Variants in ZBTB20 observed in about 807,000 individuals in gnomAD.
The protein encoded by ZBTB20 is zinc finger and BTB domain-containing protein 20.
ZBTB20 carries 9 observed loss-of-function variants against 56.9 expected under a neutral mutation model. That is an observed-to-expected ratio of 0.16 (90% CI 0.10 to 0.28). The LOEUF is 0.28. Ranked by LOEUF, ZBTB20 falls within the 10% of genes least tolerant of loss-of-function variation. ZBTB20 has a pLI of 1.00. For synonymous variants in ZBTB20, 417 were observed against 420.7 expected (o/e 0.99, Z 0.11); for missense variants, 655 against 1,003.0 (o/e 0.65, Z 4.69).
chr3:114,818,449 G>A (rs1220520542), intron 4 of ZBTB20, among the ~76,000 whole-genome samples: 1 of 151,966 alleles, frequency 6.6e-6, no homozygotes, highest in Non-Finnish European at 1.5e-5. Context: ...GTTTTAAAGG[G>A]AAAGGGCTAT....
At chr3:114,413,392 A>G (rs1169447222) in intron 7 of ZBTB20, among the ~76,000 whole-genome samples, 1 of 152,186 alleles carries the variant, frequency 6.6e-6, no homozygotes. Flanking sequence ...AAGGTCGATG[A>G]CATAAATAGT....
chr3:114,404,625 C>T (rs1010478515), intron 7 of ZBTB20, among the ~76,000 whole-genome samples: 2 of 152,090 alleles, frequency 1.3e-5, no homozygotes, highest in African/African-American at 2.4e-5. Flanking sequence ...GGTGTACAGA[C>T]GTGGCTATTT....
At chr3:114,598,415 A>AG (rs2056494091) in intron 6 of ZBTB20, among the ~76,000 whole-genome samples, 1 of 16,626 alleles carries the variant, frequency 6.0e-5, no homozygotes. Flanking sequence ...TAAAAAAAAA[A>AG]ATAGACTTAA....
chr3:114,353,837 C>A (rs1399332442), intron 10 of ZBTB20, among the ~76,000 whole-genome samples: 1 of 152,190 alleles, frequency 6.6e-6, no homozygotes, highest in African/African-American at 2.4e-5. Context: ...TCCCATTTTA[C>A]AGATGAGGAA....
intron 6 of ZBTB20, among the ~76,000 whole-genome samples, chr3:114,515,825 C>T (rs562470561): frequency 3.2e-4 from 49 of 152,274 alleles, no homozygotes; most frequent in African/African-American, 1.2e-3. Context: ...TGCCAACATG[C>T]TTTAGCTGTC....
intron 4 of ZBTB20, among the ~76,000 whole-genome samples, chr3:114,839,525 T>C (rs2074293862): frequency 1.3e-5 from 2 of 151,964 alleles, no homozygotes; most frequent in African/African-American, 4.8e-5. Context: ...CTCAGATATA[T>C]CTATAATAGA....
In ZBTB20 at chr3:114,981,033, G is replaced by A. The variant is rs1414874793; in HGVS notation, c.-506-6617C>T. Among the ~76,000 whole-genome samples, 3 of 151,880 alleles carry A rather than the reference G, an allele frequency of 2.0e-5. No homozygotes were observed. In the East Asian group the frequency reaches 5.8e-4, roughly 29 times the overall value. ...AATGAAAAAATTATGTTGCCTTAGA[G>A]GATGGCTCTTGAACTTTTGGGAAGT... On this transcript the variant is annotated intron_variant, in intron 2 of 11. Transcript: ENST00000675478.
chr3:115,064,128 G>A (rs937262794), intron 2 of ZBTB20, among the ~76,000 whole-genome samples: 1 of 152,038 alleles, frequency 6.6e-6, no homozygotes. Context: ...TCCCTTTCGG[G>A]AGTTCTCCAT....
chr3:114,390,703 T>C (rs1391838067), intron 7 of ZBTB20, among the ~76,000 whole-genome samples: 1 of 152,332 alleles, frequency 6.6e-6, no homozygotes, highest in East Asian at 1.9e-4. Context: ...CACACCCACA[T>C]TCTAAATAAC....
chr3:114,972,744 A>G (rs969292728), intron 3 of ZBTB20, among the ~76,000 whole-genome samples: 5 of 152,186 alleles, frequency 3.3e-5, no homozygotes, highest in African/African-American at 1.2e-4. Context: ...ATAATTTTAA[A>G]TATAAACCTG....
At chr3:114,695,150 A>G (rs919385078) in intron 5 of ZBTB20, among the ~76,000 whole-genome samples, 9 of 152,044 alleles carry the variant, frequency 5.9e-5, no homozygotes, top group Non-Finnish European at 1.2e-4. Context: ...GAAAAAATCT[A>G]TCCCTACTGC....
At chr3:115,134,586 C>G (rs1224193753) in intron 1 of ZBTB20, among the ~76,000 whole-genome samples, 1 of 152,018 alleles carries the variant, frequency 6.6e-6, no homozygotes, top group Non-Finnish European at 1.5e-5. Context: ...AGTGACTATG[C>G]TCTCCCACAA....
chr3:114,748,328 T>C (rs1229538747), intron 5 of ZBTB20, among the ~76,000 whole-genome samples: 4 of 119,956 alleles, frequency 3.3e-5, no homozygotes, highest in Admixed American at 8.5e-5. Context: ...CTTTCTTTCT[T>C]TCTTTCTTCT....
intron 5 of ZBTB20, among the ~76,000 whole-genome samples, chr3:114,744,049 T>A (rs1329533427): frequency 6.6e-6 from 1 of 152,192 alleles, no homozygotes; most frequent in Non-Finnish European, 1.5e-5. Flanking sequence ...TTTTATTCAA[T>A]CAAACTGTTA....
At chr3:114,618,067 A>G (rs1486046042) in intron 6 of ZBTB20, among the ~76,000 whole-genome samples, 1 of 132,372 alleles carries the variant, frequency 7.6e-6, no homozygotes, top group Non-Finnish European at 1.7e-5. Flanking sequence ...TACAAGGAGA[A>G]CAAAGATTTC....
chr3:114,702,281 G>A (rs1336766501), intron 5 of ZBTB20, among the ~76,000 whole-genome samples: 3 of 152,160 alleles, frequency 2.0e-5, no homozygotes, highest in Non-Finnish European at 4.4e-5. Context: ...CCAGGAGACC[G>A]AGGCTGCAGT....
intron 10 of ZBTB20, among the ~76,000 whole-genome samples, chr3:114,352,960 C>A (rs751601084): frequency 2.0e-5 from 3 of 152,138 alleles, no homozygotes; most frequent in Non-Finnish European, 4.4e-5. Flanking sequence ...CCTGACCCAG[C>A]GCCACCCTAT....
chr3:114,437,060 A>C (rs942720856), intron 7 of ZBTB20, among the ~76,000 whole-genome samples: 1 of 152,170 alleles, frequency 6.6e-6, no homozygotes, highest in African/African-American at 2.4e-5. Flanking sequence ...GCAGTTTTGA[A>C]CTGGAGCTGG....
At chr3:114,468,447 G>A (rs910733502) in intron 7 of ZBTB20, among the ~76,000 whole-genome samples, 3 of 152,060 alleles carry the variant, frequency 2.0e-5, no homozygotes, top group Non-Finnish European at 2.9e-5. Context: ...TTCTGATACT[G>A]CTTTGACACA....
Sources: gnomAD v4.1 joint callset for allele counts (sites outside exome capture counted in the v4.1 genomes callset) on GRCh38, gnomAD v4.1.1 for gene constraint, MANE v1.5 for transcripts, NCBI Gene and HGNC (gene_info 2026-07-23, HGNC 2026-07-21) for gene names.